The following TENM2 variants were observed in gnomAD, a reference collection of about 807,000 sequenced individuals.
TENM2 encodes the protein teneurin-2.
Under a neutral mutation model 245.2 loss-of-function variants are expected in TENM2, and 52 were observed. That is an observed-to-expected ratio of 0.21 (90% CI 0.17 to 0.27). The LOEUF (loss-of-function observed/expected upper bound fraction) is 0.27. TENM2 is among the 10% of genes least tolerant of loss of function. TENM2 has a pLI of 1.00. For missense variants in TENM2, 3,046 were observed against 3,666.8 expected (o/e 0.83, Z 4.37); for synonymous variants, 1,363 against 1,438.9 (o/e 0.95, Z 1.19).
chr5:168,118,391 A>G (rs1460581589), exon 10 of TENM2: 1 of 1,611,710 alleles, frequency 6.2e-7, no homozygotes, highest in South Asian at 1.1e-5. Flanking sequence ...GTGCCCATGA[A>G]TCAGTGCATC....
chr5:167,951,276 G>C (rs1780080736), intron 3 of TENM2, among the ~76,000 whole-genome samples: 2 of 152,206 alleles, frequency 1.3e-5, no homozygotes, highest in African/African-American at 4.8e-5. Context: ...GACAGCAGGG[G>C]CTGAGGATTT....
chr5:167,365,933 T>A (rs1355983357), intron 1 of TENM2, among the ~76,000 whole-genome samples: 3 of 151,830 alleles, frequency 2.0e-5, no homozygotes, highest in Admixed American at 2.0e-4. Flanking sequence ...TAAAGAAGAA[T>A]GGCTGAACAT....
intron 5 of TENM2, among the ~76,000 whole-genome samples, chr5:168,040,182 G>A (rs111814502): frequency 2.0e-5 from 3 of 152,284 alleles, no homozygotes; most frequent in African/African-American, 7.2e-5. Context: ...ACTTTTGTGA[G>A]GGACTAGAAG....
At chr5:167,006,984 T>C in the TENM2 span, among the ~76,000 whole-genome samples, 3 of 152,208 alleles carry the variant, frequency 2.0e-5, no homozygotes, top group Non-Finnish European at 4.4e-5. Context: ...ATTCCATCTT[T>C]TAGCCTCACA....
chr5:168,166,230 G>A (rs114212055), intron 13 of TENM2, among the ~76,000 whole-genome samples: 1,678 of 152,138 alleles, frequency 0.011, 21 homozygotes, highest in African/African-American at 0.038. Flanking sequence ...ATGCAGACCC[G>A]GGGAGCAGCA....
intron 2 of TENM2, among the ~76,000 whole-genome samples, chr5:167,553,877 G>A (rs1773106685): frequency 6.6e-6 from 1 of 152,202 alleles, no homozygotes; most frequent in Non-Finnish European, 1.5e-5. Context: ...AGACCTAGAA[G>A]ATCCCAGGTG....
chr5:168,000,687 T>G (rs1784359283), intron 5 of TENM2, among the ~76,000 whole-genome samples: 1 of 152,178 alleles, frequency 6.6e-6, no homozygotes, highest in African/African-American at 2.4e-5. Flanking sequence ...GCATTTGTAA[T>G]TTTTATTTTA....
At position 167,434,355 on chromosome 5, in the gene TENM2, A is replaced by T. The variant is rs536132138; in HGVS notation, c.502+58882A>T. Among the ~76,000 whole-genome samples, 3 of 135,496 alleles carry T rather than the reference A, an allele frequency of 2.2e-5. No homozygotes were observed. In the East Asian group the frequency reaches 7.2e-4, roughly 33 times the overall value. 88.9% of individuals were successfully genotyped at this position (135,496 alleles called of 152,430 possible). A position where few individuals can be genotyped will look rare whatever the true frequency, so the allele number is the denominator to read the frequency against. On this transcript the variant is annotated intron_variant, in intron 2 of 28. Transcript: ENST00000518659. Reference sequence around the variant, plus strand: ...ATTGAACCCGGGAGGCAGAGGTTGCAGTGAGCTGAGATGTGCTGCTGCGCT... The same window carrying T: ...ATTGAACCCGGGAGGCAGAGGTTGCTGTGAGCTGAGATGTGCTGCTGCGCT...
At chr5:166,990,941 G>A in the TENM2 span, among the ~76,000 whole-genome samples, 1 of 152,064 alleles carries the variant, frequency 6.6e-6, no homozygotes, top group Non-Finnish European at 1.5e-5. Flanking sequence ...TTGAAAGAAG[G>A]CTCATCATGT....
chr5:167,691,884 G>T (rs1034207330), intron 2 of TENM2, among the ~76,000 whole-genome samples: 1 of 152,166 alleles, frequency 6.6e-6, no homozygotes, highest in African/African-American at 2.4e-5. Context: ...TTTGCAGAGG[G>T]TAAGTGATAC....
the TENM2 span, among the ~76,000 whole-genome samples, chr5:167,185,116 C>T: frequency 2.0e-5 from 3 of 152,110 alleles, no homozygotes; most frequent in Non-Finnish European, 4.4e-5. Flanking sequence ...TATGTTAGAG[C>T]GCCTGGCCTC....
At chr5:167,820,039 G>C (rs1400213644) in intron 2 of TENM2, among the ~76,000 whole-genome samples, 2 of 152,116 alleles carry the variant, frequency 1.3e-5, no homozygotes, top group Admixed American at 6.5e-5. Flanking sequence ...AACCCAGGGA[G>C]GTCACGTGAA....
intron 2 of TENM2, among the ~76,000 whole-genome samples, chr5:167,670,018 G>A (rs948141353): frequency 1.2e-4 from 18 of 152,094 alleles, no homozygotes; most frequent in Middle Eastern, 3.2e-3. Context: ...ATGTGTGAAA[G>A]GAAGGTAATA....
intron 12 of TENM2, among the ~76,000 whole-genome samples, chr5:168,151,964 AG>A (rs1423767403): frequency 6.6e-6 from 1 of 152,218 alleles, no homozygotes; most frequent in Non-Finnish European, 1.5e-5. Flanking sequence ...TGGATCATCC[AG>A]GGCAAATTGG....
At chr5:167,638,485 G>A (rs1779358055) in intron 2 of TENM2, among the ~76,000 whole-genome samples, 1 of 152,158 alleles carries the variant, frequency 6.6e-6, no homozygotes, top group South Asian at 2.1e-4. Context: ...CTGAGCTTCA[G>A]CTGTATTTCA....
intron 2 of TENM2, among the ~76,000 whole-genome samples, chr5:167,392,702 G>A (rs1340344715): frequency 1.3e-5 from 2 of 152,062 alleles, no homozygotes; most frequent in Non-Finnish European, 2.9e-5. Context: ...TATTATTTTT[G>A]TTTCTCTGGA....
chr5:167,394,958 G>T (rs751192755), intron 2 of TENM2, among the ~76,000 whole-genome samples: 2 of 152,098 alleles, frequency 1.3e-5, no homozygotes, highest in Non-Finnish European at 2.9e-5. Flanking sequence ...TCTCAAGATT[G>T]CTTTGGCTTT....
At chr5:167,800,432 G>A (rs1380390100) in intron 2 of TENM2, among the ~76,000 whole-genome samples, 1 of 152,146 alleles carries the variant, frequency 6.6e-6, no homozygotes. Flanking sequence ...TTCTAATCAC[G>A]CATTATCCAG....
At chr5:168,219,478 A>G (rs1183697268) in intron 23 of TENM2, among the ~76,000 whole-genome samples, 1 of 152,164 alleles carries the variant, frequency 6.6e-6, no homozygotes, top group Admixed American at 6.5e-5. Flanking sequence ...AGCATTAGGT[A>G]TATTAAAAGA....
Sources: allele counts gnomAD v4.1 joint callset (sites outside exome capture counted in the v4.1 genomes callset), GRCh38; gene constraint gnomAD v4.1.1; transcripts MANE v1.5; gene names NCBI Gene and HGNC (gene_info 2026-07-23, HGNC 2026-07-21).